SLC43A1: variants seen among roughly 807,000 people sequenced by gnomAD.
The protein encoded by SLC43A1 is solute carrier family 43 member 1.
In SLC43A1, 31 loss-of-function variants were observed where a neutral mutation model predicts 59.5. That is an observed-to-expected ratio of 0.52 (90% CI 0.39 to 0.70). The LOEUF (loss-of-function observed/expected upper bound fraction) is 0.70, where lower values mean the gene tolerates loss of function less well. Ranked by LOEUF, SLC43A1 falls within the 30% of genes least tolerant of loss-of-function variation. SLC43A1 has a pLI of 0.00. For synonymous variants in SLC43A1, 259 were observed against 290.9 expected, an observed-to-expected ratio of 0.89 and a Z score of 1.12; for missense variants, 598 against 717.8, an observed-to-expected ratio of 0.83 and a Z score of 1.91.
Position 57,488,968 on chromosome 11 carries a change from T to C in SLC43A1, c.1357A>G (p.Thr453Ala). 6.2e-7 allele frequency: 1 copy of C among 1,614,132 alleles called. No homozygotes were observed. Reference sequence around the variant, plus strand: ...GAGTGGAAGAAACCTCGAACAATGGTGTGCAGGACAAAGGTCACAAACTAA... The same window carrying C: ...GAGTGGAAGAAACCTCGAACAATGGCGTGCAGGACAAAGGTCACAAACTAA... ...HLQFVTFVLHTIVRGFFHSAC... is the reference protein window; with the variant it reads ...HLQFVTFVLHAIVRGFFHSAC... The change falls in exon 13 of 15, where the codon ACC becomes GCC. Residue 453 changes from threonine to alanine, a missense_variant. Thr to Ala is a moderately conservative substitution (Grantham distance 58). Coordinates refer to ENST00000278426, the MANE Select transcript of SLC43A1 (RefSeq NM_003627.6).
Position 57,514,856 on chromosome 11 carries a change from A to C in SLC43A1, c.-14+588T>G, listed in dbSNP as rs1447371476. Reference sequence around the variant, plus strand: ...CCTCCAGCCCCGGGAGGGGGCTCGGACTTCGGCAGGAAGTCTGGCGGCTGC... The same window carrying C: ...CCTCCAGCCCCGGGAGGGGGCTCGGCCTTCGGCAGGAAGTCTGGCGGCTGC... On this transcript the variant is annotated intron_variant, in intron 1 of 14. Transcript: ENST00000278426. The surrounding 1 kb of genome is among the most constrained non-coding windows in gnomAD (Gnocchi z 5.5). The C allele has an allele frequency of 1.0e-6, 1 of 985,232 alleles. No individual in the cohort carries two copies. The highest frequency in any genetic ancestry group is 1.2e-6 in the Non-Finnish European group (1 of 830,032). The allele number at this position is 985,232 out of a possible 1,614,324, so 61.0% of individuals were successfully genotyped here.
chr11:57,485,112 G>A lies in SLC43A1; in HGVS notation c.1664C>T (p.Ser555Phe). The A allele has an allele frequency of 6.2e-7, 1 of 1,613,944 alleles. No homozygotes were observed. The highest frequency in any genetic ancestry group is 8.5e-7 in the Non-Finnish European group (1 of 1,179,932). Residue 555 changes from serine (S) to phenylalanine (F), a missense_variant, in exon 15 of 15, where the codon TCT becomes TTT. By Grantham distance (155) the Ser-to-Phe change is radical. Transcript: ENST00000278426. Reference protein sequence around the residue: ...GMGPLKVLSGSEVTA With the variant: ...GMGPLKVLSGFEVTA The stretch of plus-strand genomic sequence containing the variant: ...CTGAGAAGTCTATGCGGTCACCTCA[G>A]AGCCGCTAAGCACCTTCAGTGGGCC...
At chr11:57,510,272 C>T (rs1468239077) in intron 2 of SLC43A1, among the ~76,000 whole-genome samples, 2 of 151,642 alleles carry the variant, frequency 1.3e-5, no homozygotes, top group Admixed American at 1.3e-4. Flanking sequence ...ACCTGGCCAA[C>T]ATGGTGAAAC....
chr11:57,485,866 G>A (rs182658498), intron 14 of SLC43A1, among the ~76,000 whole-genome samples: 18 of 152,384 alleles, frequency 1.2e-4, no homozygotes, highest in Admixed American at 9.8e-4. Context: ...TGAGTGCTTG[G>A]TAAATAGAAG....
In SLC43A1 at chr11:57,485,099, T is replaced by C; in HGVS notation, c.1677A>G (p.Ala559=). The C allele has an allele frequency of 1.2e-6, 2 of 1,612,326 alleles. No homozygotes were observed. Among genetic ancestry groups the C allele is most frequent in the Middle Eastern group, 1.7e-4 (1 of 5,996 alleles). ...LKVLSGSEVT[A] ...CAGGTCCCTTGGTCTGAGAAGTCTATGCGGTCACCTCAGAGCCGCTAAGCA... is the reference window on the plus strand; with the variant it reads ...CAGGTCCCTTGGTCTGAGAAGTCTACGCGGTCACCTCAGAGCCGCTAAGCA... The change falls in exon 15 of 15, where the codon GCA becomes GCG. Residue 559 remains alanine, a synonymous_variant. Transcript: ENST00000278426.
intron 5 of SLC43A1, among the ~76,000 whole-genome samples, chr11:57,500,049 A>C (rs571587794): frequency 2.1e-3 from 321 of 152,292 alleles, no homozygotes; most frequent in South Asian, 4.3e-3. Flanking sequence ...AGTCCGAGCC[A>C]GCCCGGCCAG....
chr11:57,489,532 C>T (rs1943841846), intron 11 of SLC43A1, 140 bp from the exon 12 acceptor site: 1 of 978,504 alleles, frequency 1.0e-6, no homozygotes, highest in Non-Finnish European at 1.5e-6. Context: ...CTATGGGAAA[C>T]CCATAGAAAC....
In SLC43A1 at chr11:57,485,056, C is replaced by T; in HGVS notation, c.*40G>A. The T allele has an allele frequency of 6.3e-7, 1 of 1,584,832 alleles. No individual in the cohort carries two copies. On this transcript the variant is annotated 3_prime_UTR_variant, in exon 15 of 15. Transcript: ENST00000278426. ...GGGGCACTCCTTTTGGTTGCTCAGG[C>T]CTTGATTGCCTGTCATCCAGGTCCC...
At chr11:57,490,778 G>A (rs1943874475) in intron 11 of SLC43A1, among the ~76,000 whole-genome samples, 1 of 152,174 alleles carries the variant, frequency 6.6e-6, no homozygotes, top group African/African-American at 2.4e-5. Flanking sequence ...GGGGTGATTT[G>A]TTATACAGCA....
At chr11:57,489,205 G>A in intron 12 of SLC43A1, 46 bp downstream of exon 12, 1 of 1,609,234 alleles carries the variant, frequency 6.2e-7, no homozygotes, top group Non-Finnish European at 8.5e-7. Context: ...CATCCCTTTG[G>A]AGGAGCCTCG....
At chr11:57,487,382 T>TG (rs1943772174) in intron 13 of SLC43A1, among the ~76,000 whole-genome samples, 164 bp from the exon 14 acceptor site, 1 of 152,146 alleles carries the variant, frequency 6.6e-6, no homozygotes, top group Non-Finnish European at 1.5e-5. Flanking sequence ...TGAGGGCAAA[T>TG]GCTCCAACTT....
At chr11:57,509,393 T>A (rs1044006132) in intron 2 of SLC43A1, among the ~76,000 whole-genome samples, 1 of 151,588 alleles carries the variant, frequency 6.6e-6, no homozygotes, top group South Asian at 2.1e-4. Context: ...ATCGAAACCA[T>A]CCTGGCCAAT....
intron 12 of SLC43A1, 40 bp from the exon 13 acceptor site, chr11:57,489,029 T>C: frequency 6.3e-7 from 1 of 1,593,598 alleles, no homozygotes; most frequent in Non-Finnish European, 8.6e-7. Context: ...TAGGAGAGTG[T>C]GTGGAGGCTG....
rs149945170 is a variant in SLC43A1 at position 57,513,914 on chromosome 11, T to A, written c.154+44A>T. The A allele has an allele frequency of 1.7e-3, 2,510 of 1,477,890 alleles. 46 individuals are homozygous for A. In the African/African-American group the frequency reaches 0.031, roughly 18 times the overall value. The allele number at this position is 1,477,890 out of a possible 1,614,324, so 91.5% of individuals were successfully genotyped here. ...CTTTTCTGGCTTCCACCTGCCCCTT[T>A]GCCATCCCTCCCCCCAGCCCACCCA... On this transcript the variant is annotated intron_variant, in intron 2 of 14. Coordinates refer to ENST00000278426, the MANE Select transcript of SLC43A1 (RefSeq NM_003627.6).
At chr11:57,495,963 T>C in intron 7 of SLC43A1, 68 bp downstream of exon 7, 3 of 1,551,706 alleles carry the variant, frequency 1.9e-6, no homozygotes, top group Non-Finnish European at 2.6e-6. Flanking sequence ...CCAAAGTTAA[T>C]TCCGTCTATC....
At position 57,493,105 on chromosome 11, in the gene SLC43A1, C is replaced by T. The variant is rs145794587; in HGVS notation, c.871+888G>A. On this transcript the variant is annotated intron_variant, in intron 8 of 14. Transcript: ENST00000278426. ...CACTCACTATGGGCTACATACTTGACATTTATTACCCCATTTAATAAAATC... is the reference window on the plus strand; with the variant it reads ...CACTCACTATGGGCTACATACTTGATATTTATTACCCCATTTAATAAAATC... Among the ~76,000 whole-genome samples, 846 of 152,264 alleles carry T rather than the reference C, an allele frequency of 5.6e-3. 9 individuals are homozygous for T. Among genetic ancestry groups the T allele is most frequent in the African/African-American group, 0.019 (790 of 41,558 alleles).
At chr11:57,495,151 T>C (rs546457503) in intron 7 of SLC43A1, among the ~76,000 whole-genome samples, 1 of 152,030 alleles carries the variant, frequency 6.6e-6, no homozygotes, top group African/African-American at 2.4e-5. Context: ...CCTGGCCCAT[T>C]ACTTTTAATG....
At position 57,485,144 on chromosome 11, in the gene SLC43A1, A is replaced by C. The variant is rs140043169; in HGVS notation, c.1632T>G (p.Asn544Lys). The C allele has an allele frequency of 1.6e-5, 26 of 1,613,942 alleles. 1 individual carries two copies. In the African/African-American group the frequency reaches 2.4e-4, roughly 15 times the overall value. Residue 544 changes from asparagine to lysine, a missense_variant, in exon 15 of 15, where the codon AAT (asparagine) becomes AAG (lysine). Asn to Lys is a moderately conservative substitution (Grantham distance 94, BLOSUM62 0). Transcript: ENST00000278426. Reference sequence around the variant, plus strand: ...TAAGCACCTTCAGTGGGCCCATCCCATTGGCGGCGTACTCCTGCTGGAGCC... The same window carrying C: ...TAAGCACCTTCAGTGGGCCCATCCCCTTGGCGGCGTACTCCTGCTGGAGCC... Reference protein sequence around the residue: ...RARLQQEYAANGMGPLKVLSG... With the variant: ...RARLQQEYAAKGMGPLKVLSG...
At chr11:57,499,075 C>A in intron 5 of SLC43A1, among the ~76,000 whole-genome samples, 1 of 152,210 alleles carries the variant, frequency 6.6e-6, no homozygotes, top group South Asian at 2.1e-4. Context: ...GTAATCCCAG[C>A]ACTTTGGGAG....
Sources: allele counts gnomAD v4.1 joint callset (sites outside exome capture counted in the v4.1 genomes callset), GRCh38; gene constraint gnomAD v4.1.1; non-coding constraint Gnocchi (gnomAD v3.1); transcripts MANE v1.5; gene names NCBI Gene and HGNC (gene_info 2026-07-23, HGNC 2026-07-21).